The following FAM72D variants were observed in gnomAD, a reference collection of about 807,000 sequenced individuals.
FAM72D encodes the protein protein FAM72D.
For synonymous variants in FAM72D, 4 were observed against 35.1 expected (o/e 0.11, Z 3.13); for missense variants, 9 against 104.7 (o/e 0.09, Z 3.99).
At chr1:145,108,120 TG>T (rs1184258308) in intron 3 of FAM72D, among the ~76,000 whole-genome samples, 3 of 148,574 alleles carry the variant, frequency 2.0e-5, no homozygotes, top group African/African-American at 7.5e-5. Context: ...TCTCAATAGG[TG>T]GGACCACAGG....
intron 3 of FAM72D, among the ~76,000 whole-genome samples, chr1:145,106,892 A>G (rs1254516689): frequency 4.7e-5 from 6 of 128,382 alleles, no homozygotes; most frequent in Non-Finnish European, 7.9e-5. Flanking sequence ...ATGGTGTACA[A>G]TAAACTAAAG....
chr1:145,106,012 A>G (rs1276582150), intron 3 of FAM72D, among the ~76,000 whole-genome samples: 1 of 145,604 alleles, frequency 6.9e-6, no homozygotes, highest in Non-Finnish European at 1.5e-5. Context: ...ACCTTCATCC[A>G]TAATCTTAGC....
At chr1:145,107,246 CTTT>C (rs71270754) in intron 3 of FAM72D, among the ~76,000 whole-genome samples, 2 of 133,432 alleles carry the variant, frequency 1.5e-5, no homozygotes, top group Non-Finnish European at 3.2e-5. Flanking sequence ...AATACTAATT[CTTT>C]TTTTTTTTTT....
chr1:145,102,087 A>G (rs1654734877), intron 2 of FAM72D, among the ~76,000 whole-genome samples: 1 of 134,470 alleles, frequency 7.4e-6, no homozygotes, highest in Admixed American at 7.1e-5. Flanking sequence ...AATGTGAAAG[A>G]CTGAGGTACT....
chr1:145,094,831 GC>G, upstream of FAM72D: 2 of 774,126 alleles, frequency 2.6e-6, no homozygotes, highest in Non-Finnish European at 3.9e-6. Context: ...CGGGCTGTCC[GC>G]CAGGGCTGGG....
At chr1:145,107,651 G>T (rs1457687185) in intron 3 of FAM72D, among the ~76,000 whole-genome samples, 2 of 69,146 alleles carry the variant, frequency 2.9e-5, no homozygotes, top group African/African-American at 1.2e-4. Context: ...TCCACCTCCC[G>T]GGTTCAAGTG....
intron 3 of FAM72D, among the ~76,000 whole-genome samples, chr1:145,105,356 C>T (rs1336369564): frequency 2.0e-5 from 1 of 50,584 alleles, no homozygotes; most frequent in Non-Finnish European, 4.0e-5. Flanking sequence ...GCATCTCCTT[C>T]CAATAGAAGG....
rs1558889426 is a variant in FAM72D, at chr1:145,112,158, AT to A, written c.*563del. The A allele has an allele frequency of 8.6e-6, 1 of 116,648 alleles. No homozygotes were observed. The highest frequency in any genetic ancestry group is 2.5e-4 in the East Asian group (1 of 3,944). 7.2% of individuals were successfully genotyped at this position (116,648 alleles called of 1,614,324 possible). A position where few individuals can be genotyped will look rare whatever the true frequency, so the allele number is the denominator to read the frequency against. On this transcript the variant is annotated 3_prime_UTR_variant, in exon 4 of 4. Coordinates refer to ENST00000400889, the MANE Select transcript of FAM72D (RefSeq NM_207418.3). ...TAAAATATATAGAGGAATCCTCTTG[AT>A]TGCTCAGCATGATGTTAGATAAATG...
chr1:145,100,494 T>C (rs1447473015), intron 2 of FAM72D, among the ~76,000 whole-genome samples: 7 of 146,872 alleles, frequency 4.8e-5, no homozygotes, highest in East Asian at 2.0e-4. Flanking sequence ...TTCTTTCTTT[T>C]TTTTTTTTTT....
In FAM72D at chr1:145,107,229, G is replaced by A. The variant is rs1340429129; in HGVS notation, c.355+4098G>A. The stretch of plus-strand genomic sequence containing the variant: ...TTTTTCCTTGTGTTAAGGTGCTGAG[G>A]CACTGAAATACTAATTCTTTTTTTT... On this transcript the variant is annotated intron_variant, in intron 3 of 3. Coordinates refer to ENST00000400889, the MANE Select transcript of FAM72D (RefSeq NM_207418.3). 2.0e-5 allele frequency among the ~76,000 whole-genome samples: 3 copies of A among 148,382 alleles called. 1 individual carries two copies. Among genetic ancestry groups the A allele is most frequent in the African/African-American group, 7.5e-5 (3 of 40,000 alleles).
At chr1:145,107,505 CTGGGATTACA>C in intron 3 of FAM72D, among the ~76,000 whole-genome samples, 1 of 124,348 alleles carries the variant, frequency 8.0e-6, no homozygotes, top group Non-Finnish European at 1.7e-5. Flanking sequence ...TCCCAAAGTG[CTGGGATTACA>C]TGGGATTACA....
chr1:145,100,727 G>A (rs1202065338), intron 2 of FAM72D, among the ~76,000 whole-genome samples: 2 of 149,606 alleles, frequency 1.3e-5, no homozygotes, highest in African/African-American at 5.0e-5. Context: ...CCTGAGCTCA[G>A]GCAGTCCGCC....
intron 2 of FAM72D, among the ~76,000 whole-genome samples, chr1:145,099,939 AT>A (rs1331345673): frequency 0.046 from 4,018 of 86,744 alleles, 212 homozygotes; most frequent in African/African-American, 0.19. Context: ...TGCCCAGCTA[AT>A]TTTTTTTTTT....
chr1:145,099,317 TA>T lies in FAM72D; in HGVS notation c.230+253del, dbSNP rs1181832799. 3.8e-5 allele frequency among the ~76,000 whole-genome samples: 5 copies of T among 133,286 alleles called. 2 individuals carry two copies. The highest frequency in any genetic ancestry group is 1.7e-4 in the African/African-American group (5 of 29,912). 87.4% of individuals were successfully genotyped at this position (133,286 alleles called of 152,430 possible). ...ATTTTCAGAACAAGGCAATGTAGGT[TA>T]GGGGGGAGAAACACCTGGATTTACA... On this transcript the variant is annotated intron_variant, in intron 2 of 3. Transcript: ENST00000400889.
chr1:145,094,992 T>C, upstream of FAM72D: 1 of 1,541,382 alleles, frequency 6.5e-7, no homozygotes, highest in Non-Finnish European at 8.7e-7. Flanking sequence ...AGTCCCAGGC[T>C]GTACAGTGAT....
intron 2 of FAM72D, among the ~76,000 whole-genome samples, chr1:145,102,158 T>C (rs1379574463): frequency 9.0e-6 from 1 of 111,312 alleles, no homozygotes; most frequent in Non-Finnish European, 1.8e-5. Context: ...CTGGAGGCTG[T>C]AGATTGCTTT....
intron 2 of FAM72D, among the ~76,000 whole-genome samples, chr1:145,102,789 T>TAAC (rs1553638108): frequency 1.1e-4 from 14 of 128,192 alleles, no homozygotes; most frequent in African/African-American, 3.1e-4. Flanking sequence ...ATAATAATAA[T>TAAC]AGCAAAGAAA....
At chr1:145,100,887 C>T (rs1441489559) in intron 2 of FAM72D, among the ~76,000 whole-genome samples, 4 of 149,034 alleles carry the variant, frequency 2.7e-5, no homozygotes, top group South Asian at 2.1e-4. Flanking sequence ...CCACCTGCCT[C>T]GGCCTCCCAA....
At chr1:145,101,988 T>A (rs1329094441) in intron 2 of FAM72D, among the ~76,000 whole-genome samples, 1 of 119,356 alleles carries the variant, frequency 8.4e-6, no homozygotes, top group Admixed American at 8.0e-5. Flanking sequence ...TATAAACAGT[T>A]CATGTTGCTA....
Sources: allele counts gnomAD v4.1 joint callset (sites outside exome capture counted in the v4.1 genomes callset), GRCh38; gene constraint gnomAD v4.1.1; transcripts MANE v1.5; gene names NCBI Gene and HGNC (gene_info 2026-07-23, HGNC 2026-07-21).